STAU1: variants seen among roughly 807,000 people sequenced by gnomAD.
The protein encoded by STAU1 is double-stranded RNA-binding protein Staufen homolog 1.
STAU1 carries 13 observed loss-of-function variants against 62.9 expected under a neutral mutation model. That is an observed-to-expected ratio of 0.21 (90% CI 0.13 to 0.33). STAU1 has a LOEUF of 0.33. Ranked by LOEUF, STAU1 falls within the 10% of genes least tolerant of loss-of-function variation. STAU1 has a pLI of 1.00. For synonymous variants in STAU1, 269 were observed against 265.1 expected (o/e 1.01, Z -0.14); for missense variants, 571 against 712.1 (o/e 0.80, Z 2.25).
At chr20:49,136,033 G>C (rs2092875002) in intron 5 of STAU1, 102 bp from the exon 6 acceptor site, 1 of 873,786 alleles carries the variant, frequency 1.1e-6, no homozygotes, top group Non-Finnish European at 1.8e-6. Context: ...GCTAAGGCAG[G>C]AGGATAGCTT....
chr20:49,172,888 T>C (rs1466974461), intron 2 of STAU1, among the ~76,000 whole-genome samples: 2 of 151,968 alleles, frequency 1.3e-5, no homozygotes, highest in African/African-American at 2.4e-5. Flanking sequence ...TACATTTTTT[T>C]TTTTTTTGAG....
In STAU1 at chr20:49,160,963, C is replaced by T. The variant is rs145877774; in HGVS notation, c.205+5034G>A. 6.9e-3 allele frequency among the ~76,000 whole-genome samples: 1,048 copies of T among 152,252 alleles called. 14 individuals carry two copies. The highest frequency in any genetic ancestry group is 0.023 in the African/African-American group (959 of 41,536). ...TGGAAAACTTACGGGCAATCAATCA[C>T]AGGTGCTTGAGAATTGTCTCTGTTC... On this transcript the variant is annotated intron_variant, in intron 3 of 13. Transcript: ENST00000371856.
the STAU1 span, among the ~76,000 whole-genome samples, chr20:49,196,305 G>A: frequency 3.3e-5 from 5 of 151,080 alleles, no homozygotes; most frequent in Admixed American, 2.0e-4. Context: ...GCAAGGTGGC[G>A]GGCGCCTGTA....
the STAU1 span, among the ~76,000 whole-genome samples, chr20:49,216,469 A>C: frequency 0.31 from 47,268 of 151,804 alleles, 8,177 homozygotes; most frequent in African/African-American, 0.45. Context: ...CAGAGGTTGC[A>C]GTGAGCCGAG....
the STAU1 span, among the ~76,000 whole-genome samples, chr20:49,209,536 G>T: frequency 3.3e-5 from 5 of 151,776 alleles, no homozygotes; most frequent in African/African-American, 1.2e-4. Context: ...ATGAGGTCAG[G>T]AGTTCAAGAC....
chr20:49,196,784 G>GAAAAAAAA, the STAU1 span, among the ~76,000 whole-genome samples: 8 of 145,140 alleles, frequency 5.5e-5, no homozygotes, highest in Non-Finnish European at 6.0e-5. Flanking sequence ...AGGAAAAAAA[G>GAAAAAAAA]AAAAAAAAAA....
chr20:49,127,066 A>C (rs1428777163), intron 6 of STAU1, among the ~76,000 whole-genome samples: 1 of 152,186 alleles, frequency 6.6e-6, no homozygotes, highest in African/African-American at 2.4e-5. Context: ...CAAAATTAAA[A>C]ACCACTGGCC....
intron 1 of STAU1, among the ~76,000 whole-genome samples, chr20:49,175,362 C>T (rs2093646236): frequency 6.6e-6 from 1 of 151,882 alleles, no homozygotes; most frequent in Non-Finnish European, 1.5e-5. Flanking sequence ...TGCCTGGAAG[C>T]TGGGTGAAGA....
chr20:49,190,946 C>A (rs1195291183), upstream of STAU1, among the ~76,000 whole-genome samples: 1 of 143,820 alleles, frequency 7.0e-6, no homozygotes, highest in Non-Finnish European at 1.5e-5. Flanking sequence ...CACTCTGTTG[C>A]CCAAGCTGAA....
intron 7 of STAU1, among the ~76,000 whole-genome samples, chr20:49,123,689 CCTT>C (rs1373674542): frequency 6.6e-6 from 1 of 152,198 alleles, no homozygotes; most frequent in African/African-American, 2.4e-5. Flanking sequence ...CCAGTTACTT[CCTT>C]GAGGCCACCT....
chr20:49,117,912 C>G lies in STAU1; in HGVS notation c.1374G>C (p.Glu458Asp), dbSNP rs1424598389. The change falls in exon 11 of 14, where the codon GAG becomes GAC. Residue 458 changes from glutamate (E) to aspartate (D), a missense_variant. Transcript: ENST00000371856. The surrounding 1 kb of genome is among the most constrained non-coding windows in gnomAD (Gnocchi z 4.6). Reference protein sequence around the residue: ...KATVTAMIARELLYGGTSPTA... With the variant: ...KATVTAMIARDLLYGGTSPTA... ...TGGGCGAGGTGCCCCCATACAACAACTCTCGGGCTATCATGGCAGTTACCG... is the reference window on the plus strand; with the variant it reads ...TGGGCGAGGTGCCCCCATACAACAAGTCTCGGGCTATCATGGCAGTTACCG... 1 of 1,614,174 alleles carries G rather than the reference C, an allele frequency of 6.2e-7. No homozygotes were observed. The highest frequency in any genetic ancestry group is 1.7e-5 in the Admixed American group (1 of 60,024).
chr20:49,159,119 T>G, intron 3 of STAU1: 9 of 1,109,602 alleles, frequency 8.1e-6, no homozygotes, highest in Non-Finnish European at 1.0e-5. Context: ...GGTGATTGTC[T>G]CATGGATAAA....
chr20:49,115,682 G>A lies in STAU1; in HGVS notation c.1718+100C>T, dbSNP rs2092303553. On this transcript the variant is annotated intron_variant, in intron 13 of 13. Coordinates refer to ENST00000371856, the MANE Select transcript of STAU1 (RefSeq NM_017453.4). ...GCAAAAGGGCCAGAAAGTAACTCAGGCAAATATTTCCCCGCTGAGTCAGCA... is the reference window on the plus strand; with the variant it reads ...GCAAAAGGGCCAGAAAGTAACTCAGACAAATATTTCCCCGCTGAGTCAGCA... 8 of 1,054,360 alleles carry A rather than the reference G, an allele frequency of 7.6e-6. No individual in the cohort carries two copies. The South Asian group carries it at 1.1e-4, about 14-fold the overall frequency. The allele number at this position is 1,054,360 out of a possible 1,614,324, so 65.3% of individuals were successfully genotyped here.
At chr20:49,142,218 C>G (rs1393105535) in intron 5 of STAU1, among the ~76,000 whole-genome samples, 3 of 152,088 alleles carry the variant, frequency 2.0e-5, no homozygotes, top group Non-Finnish European at 2.9e-5. Context: ...TCCCAAGGAG[C>G]TGGGACTACA....
chr20:49,167,966 AGAGTTT>A (rs2093549335), intron 2 of STAU1, among the ~76,000 whole-genome samples: 1 of 152,196 alleles, frequency 6.6e-6, no homozygotes, highest in African/African-American at 2.4e-5. Flanking sequence ...AGTGGCTCTT[AGAGTTT>A]AAGACTCTGA....
chr20:49,206,751 A>ATATTTT, the STAU1 span, among the ~76,000 whole-genome samples: 1 of 95,040 alleles, frequency 1.1e-5, no homozygotes, highest in Non-Finnish European at 2.1e-5. Flanking sequence ...ATATATATAT[A>ATATTTT]TTTTATTTTA....
chr20:49,151,514 G>A (rs2093248554), intron 5 of STAU1, 68 bp downstream of exon 5: 1 of 1,415,446 alleles, frequency 7.1e-7, no homozygotes, highest in Non-Finnish European at 9.3e-7. Context: ...AAGATAATGT[G>A]CGGTGACATC....
At chr20:49,170,868 A>C (rs1274597249) in intron 2 of STAU1, among the ~76,000 whole-genome samples, 4 of 152,230 alleles carry the variant, frequency 2.6e-5, no homozygotes, top group Admixed American at 2.6e-4. Flanking sequence ...CATTTCACTA[A>C]ATGTCTCCCC....
At chr20:49,159,285 A>G (rs533214533) in intron 3 of STAU1, 2 of 328,272 alleles carry the variant, frequency 6.1e-6, no homozygotes, top group Admixed American at 6.2e-5. Context: ...TGATAGAACC[A>G]AAAGTATACC....
Sources: gnomAD v4.1 joint callset for allele counts (sites outside exome capture counted in the v4.1 genomes callset) on GRCh38, gnomAD v4.1.1 for gene constraint, Gnocchi (gnomAD v3.1) non-coding constraint, MANE v1.5 for transcripts, NCBI Gene and HGNC (gene_info 2026-07-23, HGNC 2026-07-21) for gene names.